KATNAL2: variants seen among roughly 807,000 people sequenced by gnomAD.
KATNAL2 encodes the protein katanin p60 ATPase-containing subunit A-like 2.
KATNAL2 carries 52 observed loss-of-function variants against 76.3 expected under a neutral mutation model. That is an observed-to-expected ratio of 0.68 (90% CI 0.55 to 0.86). The LOEUF is 0.86. Among genes scored for constraint, KATNAL2 ranks in the 40% least tolerant of loss-of-function variants. The pLI, the probability that KATNAL2 is intolerant of heterozygous loss-of-function variation, is 0.00. For missense variants in KATNAL2, 660 were observed against 668.9 expected (o/e 0.99, Z 0.15); for synonymous variants, 243 against 244.2 (o/e 1.00, Z 0.05).
At chr18:47,033,110 C>T (rs1948247964) in intron 3 of KATNAL2, 2 of 1,614,150 alleles carry the variant, frequency 1.2e-6, no homozygotes, top group Non-Finnish European at 1.7e-6. Flanking sequence ...GCCGCGTGCT[C>T]ATTGCTGCTG....
intron 1 of KATNAL2, among the ~76,000 whole-genome samples, chr18:46,942,097 G>A (rs1038418634): frequency 6.6e-6 from 1 of 152,148 alleles, no homozygotes; most frequent in Non-Finnish European, 1.5e-5. Context: ...AATCGAAAAA[G>A]GTTGCTCTAT....
At chr18:47,048,475 C>T (rs1369570269) in intron 4 of KATNAL2, among the ~76,000 whole-genome samples, 1 of 152,196 alleles carries the variant, frequency 6.6e-6, no homozygotes, top group African/African-American at 2.4e-5. Flanking sequence ...GTGCCCCCGT[C>T]CCATGGTTAG....
At chr18:46,931,126 AT>A (rs2058901008) in intron 1 of KATNAL2, among the ~76,000 whole-genome samples, 1 of 134,468 alleles carries the variant, frequency 7.4e-6, no homozygotes, top group Non-Finnish European at 1.6e-5. Flanking sequence ...AATAATAATA[AT>A]AATAATAATA....
chr18:46,933,644 T>TTTA (rs1019934348), intron 1 of KATNAL2, among the ~76,000 whole-genome samples: 3 of 151,980 alleles, frequency 2.0e-5, no homozygotes, highest in African/African-American at 7.3e-5. Flanking sequence ...TTTTTAAAAT[T>TTTA]TTATTATTAT....
intron 10 of KATNAL2, among the ~76,000 whole-genome samples, chr18:47,065,448 CG>C (rs1408526251): frequency 7.4e-5 from 9 of 121,364 alleles, no homozygotes; most frequent in African/African-American, 2.2e-4. Context: ...GGGAGAGTGT[CG>C]GGGGGGGAAC....
chr18:47,033,139 C>G (rs759800111), intron 3 of KATNAL2: 1 of 1,613,936 alleles, frequency 6.2e-7, no homozygotes, highest in African/African-American at 1.3e-5. Flanking sequence ...GGGGTTGGCC[C>G]GCTTCTCAGG....
intron 3 of KATNAL2, among the ~76,000 whole-genome samples, chr18:47,043,315 G>A (rs938289551): frequency 2.0e-5 from 3 of 151,418 alleles, no homozygotes; most frequent in African/African-American, 7.3e-5. Context: ...GAATGGTAAT[G>A]TTATACCTTT....
In KATNAL2 at chr18:47,100,366, G is replaced by T; in HGVS notation, c.1477+10G>T. 1 of 1,604,786 alleles carries T rather than the reference G, an allele frequency of 6.2e-7. No individual in the cohort carries two copies. The highest frequency in any genetic ancestry group is 1.1e-5 in the South Asian group (1 of 90,806). On this transcript the variant is annotated intron_variant, in intron 17 of 17. Transcript: ENST00000683218. ...GAAAATCACCAGTCAGGTATGGGTTGGATCACCATGAAGGTGTTCCAGGAA... is the reference window on the plus strand; with the variant it reads ...GAAAATCACCAGTCAGGTATGGGTTTGATCACCATGAAGGTGTTCCAGGAA...
chr18:47,063,693 T>G (rs2061704165), intron 10 of KATNAL2, among the ~76,000 whole-genome samples: 1 of 152,172 alleles, frequency 6.6e-6, no homozygotes, highest in South Asian at 2.1e-4. Flanking sequence ...GAAAAGAGTA[T>G]GTCTGCATCT....
chr18:46,961,886 A>G (rs1255583717), intron 3 of KATNAL2, among the ~76,000 whole-genome samples: 3 of 152,202 alleles, frequency 2.0e-5, no homozygotes, highest in Non-Finnish European at 4.4e-5. Context: ...ACCGTATGAT[A>G]TGATTGAGAA....
intron 4 of KATNAL2, among the ~76,000 whole-genome samples, chr18:47,046,924 C>T (rs1420582478): frequency 1.3e-5 from 2 of 152,120 alleles, no homozygotes; most frequent in Admixed American, 6.5e-5. Flanking sequence ...TCCTCCTGCC[C>T]CAACAACCCA....
chr18:47,077,476 G>A lies in KATNAL2; in HGVS notation c.1211+15G>A. On this transcript the variant is annotated intron_variant, in intron 15 of 17. Coordinates refer to ENST00000683218, the MANE Select transcript of KATNAL2 (RefSeq NM_001387690.1). ...AACCTGCCGTGGTAAGAGACCAAGAGAGTAAATTTTGAATACATTTTCAGG... is the reference window on the plus strand; with the variant it reads ...AACCTGCCGTGGTAAGAGACCAAGAAAGTAAATTTTGAATACATTTTCAGG... The A allele has an allele frequency of 2.5e-6, 4 of 1,586,328 alleles. No homozygotes were observed. The highest frequency in any genetic ancestry group is 3.5e-6 in the Non-Finnish European group (4 of 1,154,790).
intron 15 of KATNAL2, among the ~76,000 whole-genome samples, chr18:47,088,634 A>G (rs947132538): frequency 7.9e-5 from 12 of 152,216 alleles, no homozygotes; most frequent in African/African-American, 2.9e-4. Flanking sequence ...GCTGGAGTGC[A>G]GCGATGCAAT....
intron 15 of KATNAL2, among the ~76,000 whole-genome samples, chr18:47,081,168 CT>C (rs897116399): frequency 4.0e-5 from 6 of 150,840 alleles, no homozygotes; most frequent in Non-Finnish European, 7.4e-5. Flanking sequence ...TTTTTTATTC[CT>C]TTTTTTTCTC....
chr18:47,069,128 C>G, intron 11 of KATNAL2, 92 bp from the exon 12 acceptor site: 2 of 892,636 alleles, frequency 2.2e-6, no homozygotes, highest in South Asian at 3.0e-5. Context: ...AGCTGTGCTG[C>G]TTTGACTTCA....
chr18:47,066,706 A>G (rs1443854377), intron 10 of KATNAL2, among the ~76,000 whole-genome samples: 2 of 151,428 alleles, frequency 1.3e-5, no homozygotes, highest in Non-Finnish European at 2.9e-5. Flanking sequence ...GAAAACAGGT[A>G]GAGTCTGTTG....
chr18:47,056,759 T>C (rs1007877413), intron 6 of KATNAL2, among the ~76,000 whole-genome samples: 1 of 152,176 alleles, frequency 6.6e-6, no homozygotes, highest in African/African-American at 2.4e-5. Flanking sequence ...ATAGAATCCC[T>C]GTTTCCTGCC....
intron 3 of KATNAL2, among the ~76,000 whole-genome samples, chr18:46,951,355 C>T (rs2059547464): frequency 6.6e-6 from 1 of 151,162 alleles, no homozygotes; most frequent in South Asian, 2.1e-4. Flanking sequence ...GACTTTCCAA[C>T]AGAACTGTAA....
At chr18:46,960,855 C>T (rs554944550) in intron 3 of KATNAL2, among the ~76,000 whole-genome samples, 3 of 152,284 alleles carry the variant, frequency 2.0e-5, no homozygotes, top group African/African-American at 7.2e-5. Flanking sequence ...GGACGAGACG[C>T]GGACAAAACC....
Sources: allele counts gnomAD v4.1 joint callset (sites outside exome capture counted in the v4.1 genomes callset), GRCh38; gene constraint gnomAD v4.1.1; transcripts MANE v1.5; gene names NCBI Gene and HGNC (gene_info 2026-07-23, HGNC 2026-07-21).